ORMDL1: variants seen among roughly 807,000 people sequenced by gnomAD.
ORMDL1 encodes the protein ORM1-like protein 1.
Under a neutral mutation model 13.0 loss-of-function variants are expected in ORMDL1, and 10 were observed. That is an observed-to-expected ratio of 0.77 (90% CI 0.47 to 1.30). The LOEUF is 1.30. Ranked by LOEUF, ORMDL1 falls within the 50% of genes most tolerant of loss-of-function variation. The pLI, the probability that ORMDL1 is intolerant of heterozygous loss-of-function variation, is 0.00. For missense variants in ORMDL1, 171 were observed against 186.7 expected (o/e 0.92, Z 0.49); for synonymous variants, 61 against 63.9 (o/e 0.95, Z 0.22).
chr2:189,771,861 T>G lies in ORMDL1; in HGVS notation c.368A>C (p.His123Pro). Reference protein sequence around the residue: ...ASFYTKYDPTHFILNTASLLS... With the variant: ...ASFYTKYDPTPFILNTASLLS... ...GAGAGAAGCTGTGTTTAGGATGAAG[T>G]GAGTTGGATCATACTTCGTATAGAA... Residue 123 changes from histidine (H) to proline (P), a missense_variant, in exon 5 of 5, where the codon CAC becomes CCC. Transcript: ENST00000392349. 1 of 1,608,576 alleles carries G rather than the reference T, an allele frequency of 6.2e-7. No homozygotes were observed. Among genetic ancestry groups the G allele is most frequent in the South Asian group, 1.1e-5 (1 of 90,690 alleles).
chr2:189,780,687 T>C (rs2047803543), intron 3 of ORMDL1, among the ~76,000 whole-genome samples: 1 of 152,172 alleles, frequency 6.6e-6, no homozygotes, highest in Non-Finnish European at 1.5e-5. Flanking sequence ...GTCAGAAATA[T>C]ATGCCGGTGA....
At chr2:189,764,257 G>A in the ORMDL1 span, 3 of 152,208 alleles carry the variant, frequency 2.0e-5, no homozygotes, top group African/African-American at 7.2e-5. Flanking sequence ...TTATACACTG[G>A]AATCCAGTTT....
intron 1 of ORMDL1, chr2:189,783,648 A>C (rs183861589): frequency 2.8e-4 from 43 of 152,352 alleles, no homozygotes; most frequent in African/African-American, 9.6e-4. Context: ...TTATATGTGT[A>C]AATCTTTCGT....
chr2:189,766,642 T>C (rs1174394300), downstream of ORMDL1, among the ~76,000 whole-genome samples: 1 of 152,104 alleles, frequency 6.6e-6, no homozygotes, highest in Admixed American at 6.5e-5. Flanking sequence ...GAGAATCACT[T>C]GAACCTGGGA....
intron 3 of ORMDL1, among the ~76,000 whole-genome samples, chr2:189,780,864 T>C (rs1247384664): frequency 6.6e-6 from 1 of 152,244 alleles, no homozygotes; most frequent in Non-Finnish European, 1.5e-5. Context: ...CAGCACATCA[T>C]TCTTATCCTC....
chr2:189,775,360 T>C, intron 4 of ORMDL1: 2 of 493,428 alleles, frequency 4.1e-6, no homozygotes, highest in East Asian at 3.4e-5. Flanking sequence ...CATGTAATAT[T>C]GTCTCCGTAT....
the ORMDL1 span, chr2:189,764,806 A>G: frequency 6.4e-4 from 97 of 152,024 alleles, 1 homozygote; most frequent in African/African-American, 2.2e-3. Context: ...TTTATTATTA[A>G]TACATATTAT....
At chr2:189,779,406 C>T (rs1379846309) in intron 3 of ORMDL1, among the ~76,000 whole-genome samples, 5 of 152,160 alleles carry the variant, frequency 3.3e-5, no homozygotes, top group Non-Finnish European at 7.4e-5. Flanking sequence ...ATGATCACGC[C>T]AGTCTCTTAA....
At chr2:189,779,982 A>G (rs1207485798) in intron 3 of ORMDL1, among the ~76,000 whole-genome samples, 1 of 152,208 alleles carries the variant, frequency 6.6e-6, no homozygotes, top group Non-Finnish European at 1.5e-5. Flanking sequence ...TGGACTATAC[A>G]TTACAGGTTG....
At chr2:189,776,258 G>C (rs1360023717) in intron 3 of ORMDL1, among the ~76,000 whole-genome samples, 1 of 152,094 alleles carries the variant, frequency 6.6e-6, no homozygotes, top group Admixed American at 6.6e-5. Flanking sequence ...TGATATAATA[G>C]GTATAATGTT....
chr2:189,766,720 G>A (rs1170206022), downstream of ORMDL1, among the ~76,000 whole-genome samples: 1 of 41,878 alleles, frequency 2.4e-5, no homozygotes, highest in Non-Finnish European at 5.0e-5. Flanking sequence ...GGAGACTCCC[G>A]TCTCAAAAAA....
rs138105044 is a variant in ORMDL1, at chr2:189,775,381, T to C, written c.326+184A>G. 0.016 allele frequency: 9,557 copies of C among 607,090 alleles called. 124 individuals carry two copies. The highest frequency in any genetic ancestry group is 0.021 in the Non-Finnish European group (7,402 of 357,314). The allele number at this position is 607,090 out of a possible 1,614,324, so 37.6% of individuals were successfully genotyped here. ...ATATTGTCTCCGTATATGTACTGAC[T>C]GAAGTGAAAATTAGTTTATTATCAA... On this transcript the variant is annotated intron_variant, in intron 4 of 4. Transcript: ENST00000392349.
chr2:189,772,666 A>G lies in ORMDL1; in HGVS notation c.327-764T>C, dbSNP rs1350254452. On this transcript the variant is annotated intron_variant, in intron 4 of 4. Transcript: ENST00000392349. ...TCTGATTACTAACAGAATAATACAGATAAGATGTAAAGAATAAAACATCAT... is the reference window on the plus strand; with the variant it reads ...TCTGATTACTAACAGAATAATACAGGTAAGATGTAAAGAATAAAACATCAT... Among the ~76,000 whole-genome samples the G allele has an allele frequency of 5.3e-5, 8 of 152,240 alleles. 1 individual carries two copies. In the South Asian group the frequency reaches 1.7e-3, roughly 31 times the overall value.
At chr2:189,778,197 C>A (rs944691185) in intron 3 of ORMDL1, 15 of 416,846 alleles carry the variant, frequency 3.6e-5, no homozygotes, top group Non-Finnish European at 6.1e-5. Context: ...GAGTTCGAGA[C>A]CAGCCTGACC....
chr2:189,771,929 T>C (rs777056640), intron 4 of ORMDL1, 27 bp from the exon 5 acceptor site: 2 of 1,470,664 alleles, frequency 1.4e-6, no homozygotes, highest in African/African-American at 1.4e-5. Flanking sequence ...TAAGAATATA[T>C]ATAACATCCA....
intron 2 of ORMDL1, 77 bp from the exon 3 acceptor site, chr2:189,782,679 C>A: frequency 7.4e-7 from 1 of 1,354,388 alleles, no homozygotes. Context: ...TGACAAGGTA[C>A]CTGTGTTGCG....
intron 2 of ORMDL1, 165 bp downstream of exon 2, chr2:189,782,849 G>A (rs2047900925): frequency 2.7e-6 from 1 of 366,152 alleles, no homozygotes; most frequent in Non-Finnish European, 4.9e-6. Flanking sequence ...TAGTTACAAT[G>A]CCTTTCCAAA....
intron 4 of ORMDL1, 72 bp downstream of exon 4, chr2:189,775,493 C>T: frequency 4.2e-6 from 6 of 1,423,724 alleles, no homozygotes; most frequent in Admixed American, 2.4e-5. Context: ...TTTCTAATTC[C>T]AATTCAATCT....
intron 3 of ORMDL1, among the ~76,000 whole-genome samples, chr2:189,777,753 T>C (rs2047730238): frequency 6.6e-6 from 1 of 152,198 alleles, no homozygotes; most frequent in South Asian, 2.1e-4. Context: ...TGTGAAGCAT[T>C]AATACCTCTA....
Sources: gnomAD v4.1 joint callset for allele counts (sites outside exome capture counted in the v4.1 genomes callset) on GRCh38, gnomAD v4.1.1 for gene constraint, MANE v1.5 for transcripts, NCBI Gene and HGNC (gene_info 2026-07-23, HGNC 2026-07-21) for gene names.